Variants in PCNX4 observed in about 807,000 individuals in gnomAD.
PCNX4 encodes the protein pecanex-like protein 4.
A neutral mutation model predicts 107.2 loss-of-function variants in PCNX4; 103 were observed. The ratio of observed to expected loss-of-function variants is 0.96; its 90% CI spans 0.82 to 1.13. PCNX4 has a LOEUF of 1.13. Among genes scored for constraint, PCNX4 ranks in the 50% most tolerant of loss-of-function variants. The pLI is 0.00. For missense variants in PCNX4, 1,528 were observed against 1,379.4 expected (o/e 1.11, Z -1.71); for synonymous variants, 541 against 481.7 (o/e 1.12, Z -1.61).
At chr14:60,117,546 T>C (rs908037932) in intron 6 of PCNX4, among the ~76,000 whole-genome samples, 3 of 152,216 alleles carry the variant, frequency 2.0e-5, no homozygotes, top group African/African-American at 7.2e-5. Context: ...ATCTTGGGTA[T>C]ACCTACCTAG....
At chr14:60,115,673 A>G (rs1332355952) in intron 4 of PCNX4, 46 bp from the exon 5 acceptor site, 2 of 1,498,346 alleles carry the variant, frequency 1.3e-6, no homozygotes, top group African/African-American at 1.4e-5. Flanking sequence ...TGGTAGAAGG[A>G]GCTATTTTGC....
At chr14:60,125,916 C>T (rs1411573979) in intron 10 of PCNX4, 93 bp downstream of exon 10, 27 of 824,800 alleles carry the variant, frequency 3.3e-5, no homozygotes, top group East Asian at 6.3e-5. Flanking sequence ...AATGATATAA[C>T]GTTATAGCTG....
rs775577817 is a variant in PCNX4, at chr14:60,145,009, G to A, written c.*10788G>A. 1 of 1,589,434 alleles carries A rather than the reference G, an allele frequency of 6.3e-7. No individual in the cohort carries two copies. The highest frequency in any genetic ancestry group is 1.4e-5 in the African/African-American group (1 of 72,652). On this transcript the variant is annotated 3_prime_UTR_variant, in exon 11 of 11. Coordinates refer to ENST00000406854, the MANE Select transcript of PCNX4 (RefSeq NM_001330177.2). The surrounding 1 kb of genome is among the most constrained non-coding windows in gnomAD (Gnocchi z 4.0). ...AAAGATTTTAAAATAAGAAGAGTCT[G>A]CATCCTGTAAAAGAGGGACAGAAAC...
chr14:60,115,552 TATACC>T, intron 4 of PCNX4, 91 bp downstream of exon 4: 3 of 1,430,728 alleles, frequency 2.1e-6, no homozygotes, highest in Non-Finnish European at 2.8e-6. Flanking sequence ...TGTGTGGTAT[TATACC>T]ATATACAAGT....
intron 9 of PCNX4, 101 bp from the exon 10 acceptor site, chr14:60,125,536 T>A: frequency 1.1e-6 from 1 of 886,522 alleles, no homozygotes; most frequent in Non-Finnish European, 1.6e-6. Context: ...ATAGATATGA[T>A]TTCAGTTCAA....
At chr14:60,101,005 G>A (rs945247375) in intron 1 of PCNX4, among the ~76,000 whole-genome samples, 1 of 152,142 alleles carries the variant, frequency 6.6e-6, no homozygotes, top group African/African-American at 2.4e-5. Flanking sequence ...CCTGCTCTCT[G>A]AAGTCTGCTC....
Position 60,125,737 on chromosome 14 carries a change from A to G in PCNX4, c.3181A>G (p.Ile1061Val), listed in dbSNP as rs778289850. 74 of 1,611,724 alleles carry G rather than the reference A, an allele frequency of 4.6e-5. No individual in the cohort carries two copies. The highest frequency in any genetic ancestry group is 6.3e-5 in the Non-Finnish European group (74 of 1,178,910). The change falls in exon 10 of 11, where the codon ATT becomes GTT. Residue 1061 changes from isoleucine (I) to valine (V), a missense_variant. Physicochemically the swap from Ile to Val is conservative, Grantham distance 29. Transcript: ENST00000406854. ...TGAAGAATATGAACGTGACTGGTAC[A>G]TTGGTTTGGTATCTGATGAAAAGTG... is the stretch of plus-strand genomic sequence containing the variant. ...YLEEYERDWY[I>V]GLVSDEKWKE...
Position 60,108,306 on chromosome 14 carries a change from T to C in PCNX4, c.668T>C (p.Val223Ala). 6.2e-7 allele frequency: 1 copy of C among 1,607,872 alleles called. No individual in the cohort carries two copies. Among genetic ancestry groups the C allele is most frequent in the Non-Finnish European group, 8.5e-7 (1 of 1,178,098 alleles). Residue 223 changes from valine (V) to alanine (A), a missense_variant, in exon 2 of 11, where the codon GTT becomes GCT. By Grantham distance (64) the Val-to-Ala change is moderately conservative. Transcript: ENST00000406854. ...AGACCTCTTTATATTTTTTTCTTTG[T>C]TTCTGTGGATCTGGCACACAGGTAA... is the stretch of plus-strand genomic sequence containing the variant. ...LMRPLYIFFF[V>A]SVDLAHRFVV...
At chr14:60,126,703 C>T (rs540305270) in intron 10 of PCNX4, among the ~76,000 whole-genome samples, 1 of 152,296 alleles carries the variant, frequency 6.6e-6, no homozygotes, top group East Asian at 1.9e-4. Context: ...GTTTTTAATC[C>T]TGTCCCAGCT....
At position 60,136,718 on chromosome 14, in the gene PCNX4, C is replaced by T. The variant is rs1183155551; in HGVS notation, c.*2497C>T. The T allele has an allele frequency of 6.6e-6, 1 of 152,588 alleles. No homozygotes were observed. The highest frequency in any genetic ancestry group is 1.5e-5 in the Non-Finnish European group (1 of 68,144). 9.5% of individuals were successfully genotyped at this position (152,588 alleles called of 1,614,324 possible). A position where few individuals can be genotyped will look rare whatever the true frequency, so the allele number is the denominator to read the frequency against. ...GGTCTGGGCAGTATGGCTTGCTGCT[C>T]GGCAGGATATTGATAAGATGCTCCC... On this transcript the variant is annotated 3_prime_UTR_variant, in exon 11 of 11. Coordinates refer to ENST00000406854, the MANE Select transcript of PCNX4 (RefSeq NM_001330177.2).
intron 2 of PCNX4, chr14:60,110,147 T>C (rs769105154): frequency 6.0e-5 from 10 of 167,096 alleles, no homozygotes; most frequent in Non-Finnish European, 1.3e-4. Context: ...TTTGGCATTA[T>C]GTGAGTAGAA....
Position 60,125,779 on chromosome 14 carries a change from C to A in PCNX4, c.3223C>A (p.Gln1075Lys), listed in dbSNP as rs1896044292. ...SDEKWKEAIL[Q>K]EKPYLFSLGY... The stretch of plus-strand genomic sequence containing the variant: ...TGAAAAGTGGAAGGAAGCAATTTTA[C>A]AAGAAAAGCCATACTTGTTTTCTCT... The change falls in exon 10 of 11, where the codon CAA (glutamine) becomes AAA (lysine). Residue 1075 changes from glutamine (Q) to lysine (K), a missense_variant. Gln to Lys is a moderately conservative substitution (Grantham distance 53, BLOSUM62 1). Coordinates refer to ENST00000406854, the MANE Select transcript of PCNX4 (RefSeq NM_001330177.2). 6.2e-7 allele frequency: 1 copy of A among 1,609,624 alleles called. No individual in the cohort carries two copies. Among genetic ancestry groups the A allele is most frequent in the Non-Finnish European group, 8.5e-7 (1 of 1,178,242 alleles).
At chr14:60,110,309 A>G (rs1031617035) in intron 2 of PCNX4, 1 of 167,160 alleles carries the variant, frequency 6.0e-6, no homozygotes, top group African/African-American at 2.4e-5. Flanking sequence ...GCCAAAGGTG[A>G]TTTAAGGGTC....
intron 1 of PCNX4, among the ~76,000 whole-genome samples, chr14:60,093,205 TC>T (rs1446895205): frequency 6.6e-6 from 1 of 152,234 alleles, no homozygotes; most frequent in Non-Finnish European, 1.5e-5. Context: ...GGAAGCTTTT[TC>T]TTTTTTAAGA....
Position 60,134,310 on chromosome 14 carries a change from TCTC to T in PCNX4, c.*91_*93del. The T allele has an allele frequency of 6.8e-7, 1 of 1,467,828 alleles. No individual in the cohort carries two copies. Among genetic ancestry groups the T allele is most frequent in the South Asian group, 1.3e-5 (1 of 79,394 alleles). 90.9% of individuals were successfully genotyped at this position (1,467,828 alleles called of 1,614,324 possible). ...CTGTGATTCTTGTAACTTGAGGACT[TCTC>T]CACACCCCCATTCAGATGCCTGAGA... On this transcript the variant is annotated 3_prime_UTR_variant, in exon 11 of 11. Coordinates refer to ENST00000406854, the MANE Select transcript of PCNX4 (RefSeq NM_001330177.2).
Position 60,121,176 on chromosome 14 carries a change from T to C in PCNX4, c.1943-20T>C. The C allele has an allele frequency of 2.0e-6, 3 of 1,519,826 alleles. No individual in the cohort carries two copies. The highest frequency in any genetic ancestry group is 2.6e-6 in the Non-Finnish European group (3 of 1,141,450). The allele number at this position is 1,519,826 out of a possible 1,614,324, so 94.1% of individuals were successfully genotyped here. ...AAATGATTTTCTTTTTTTTTTTTTT[T>C]TTTTTCTAATTTGTTGTAGGTCTCC... is the stretch of plus-strand genomic sequence containing the variant. On this transcript the variant is annotated intron_variant, in intron 7 of 10. Transcript: ENST00000406854.
intron 10 of PCNX4, among the ~76,000 whole-genome samples, chr14:60,130,276 T>C (rs1027798825): frequency 2.0e-5 from 3 of 150,110 alleles, no homozygotes; most frequent in Non-Finnish European, 3.0e-5. Flanking sequence ...GGAAGTGCTA[T>C]GATATATAAA....
chr14:60,116,383 A>G (rs1895849162), intron 6 of PCNX4, among the ~76,000 whole-genome samples: 1 of 152,166 alleles, frequency 6.6e-6, no homozygotes, highest in African/African-American at 2.4e-5. Flanking sequence ...AGGTTCATTC[A>G]TGTTATAGCA....
At chr14:60,115,566 G>A in intron 4 of PCNX4, 105 bp downstream of exon 4, 2 of 1,411,956 alleles carry the variant, frequency 1.4e-6, no homozygotes, top group Non-Finnish European at 1.9e-6. Context: ...CCATATACAA[G>A]TGTTTGTTCT....
Sources: gnomAD v4.1 joint callset for allele counts (sites outside exome capture counted in the v4.1 genomes callset) on GRCh38, gnomAD v4.1.1 for gene constraint, Gnocchi (gnomAD v3.1) non-coding constraint, MANE v1.5 for transcripts, NCBI Gene and HGNC (gene_info 2026-07-23, HGNC 2026-07-21) for gene names.